The following CLDND1 variants were observed in gnomAD, a reference collection of about 807,000 sequenced individuals.
CLDND1 encodes the protein claudin domain containing 1.
A neutral mutation model predicts 26.3 loss-of-function variants in CLDND1; 13 were observed. The ratio of observed to expected loss-of-function variants is 0.49; its 90% CI spans 0.32 to 0.78. The LOEUF (loss-of-function observed/expected upper bound fraction) is 0.78, where lower values mean the gene tolerates loss of function less well. CLDND1 is among the 30% of genes least tolerant of loss of function. The pLI, the probability that CLDND1 is intolerant of heterozygous loss-of-function variation, is 0.03. For missense variants in CLDND1, 289 were observed against 312.8 expected, an observed-to-expected ratio of 0.92 and a Z score of 0.57; for synonymous variants, 107 against 107.0, an observed-to-expected ratio of 1.00 and a Z score of 0.00.
chr3:98,517,065 G>T lies in CLDND1; in HGVS notation c.528C>A (p.Leu176=). 2 of 1,614,158 alleles carry T rather than the reference G, an allele frequency of 1.2e-6. No homozygotes were observed. The highest frequency in any genetic ancestry group is 1.7e-6 in the Non-Finnish European group (2 of 1,180,006). Reference sequence around the variant, plus strand: ...GACAAAACCTACCTGCAAGGAGATGGAGAATGCCCGTGGCAATGGTGGGAT... The same window carrying T: ...GACAAAACCTACCTGCAAGGAGATGTAGAATGCCCGTGGCAATGGTGGGAT... ...SLYPTIATGI[L]HLLAGLCTLG... The change falls in exon 4 of 5, where the codon CTC becomes CTA. Residue 176 remains leucine (L), a synonymous_variant. Transcript: ENST00000341181.
chr3:98,518,126 A>G (rs1706234336), intron 3 of CLDND1, among the ~76,000 whole-genome samples: 1 of 152,322 alleles, frequency 6.6e-6, no homozygotes, highest in East Asian at 1.9e-4. Context: ...AAATGCATTC[A>G]TATCAATCTT....
Position 98,515,743 on chromosome 3 carries a change from A to T in CLDND1, c.*916T>A. On this transcript the variant is annotated 3_prime_UTR_variant, in exon 5 of 5. Transcript: ENST00000341181. ...CACAAGAAATAAAGACCATAGTTGGAGGTTAATGGACAGCCAGAACTTTAG... is the reference window on the plus strand; with the variant it reads ...CACAAGAAATAAAGACCATAGTTGGTGGTTAATGGACAGCCAGAACTTTAG... The T allele has an allele frequency of 1.6e-6, 2 of 1,289,754 alleles. No homozygotes were observed. The highest frequency in any genetic ancestry group is 2.0e-6 in the Non-Finnish European group (2 of 988,822). The allele number at this position is 1,289,754 out of a possible 1,614,324, so 79.9% of individuals were successfully genotyped here.
In CLDND1 at chr3:98,521,255, T is replaced by C. The variant is rs374805425; in HGVS notation, c.170A>G (p.Asp57Gly). 3.7e-6 allele frequency: 6 copies of C among 1,614,092 alleles called. No homozygotes were observed. In the African/African-American group the frequency reaches 6.7e-5, roughly 18 times the overall value. The change falls in exon 2 of 5, where the codon GAT becomes GGT. Residue 57 changes from aspartate (D) to glycine (G), a missense_variant. Asp to Gly is a moderately conservative substitution (Grantham distance 94, BLOSUM62 -1). Coordinates refer to ENST00000341181, the MANE Select transcript of CLDND1 (RefSeq NM_001040181.2). ...NKSIWDEFIS[D>G]EADEKTYNDA... is the part of the protein sequence containing the mutation. ...ATTATAAGTCTTTTCATCTGCCTCA[T>C]CACTAATGAATTCATCCCAGATGCT...
chr3:98,518,679 G>T (rs760486872), intron 3 of CLDND1: 27 of 542,978 alleles, frequency 5.0e-5, no homozygotes, highest in Non-Finnish European at 7.8e-5. Flanking sequence ...AGTTGGCCCT[G>T]TCAACTTCAA....
intron 2 of CLDND1, among the ~76,000 whole-genome samples, chr3:98,520,088 C>T (rs1190609793): frequency 2.0e-5 from 3 of 152,172 alleles, no homozygotes; most frequent in African/African-American, 7.2e-5. Flanking sequence ...TGCCTGTCAT[C>T]CTTTATTAGA....
rs1004267968 is a variant in CLDND1 at position 98,517,121 on chromosome 3, C to T, written c.472G>A (p.Gly158Arg). 5.6e-6 allele frequency: 9 copies of T among 1,613,932 alleles called. No homozygotes were observed. Among genetic ancestry groups the T allele is most frequent in the African/African-American group, 1.3e-5 (1 of 74,876 alleles). The change falls in exon 4 of 5, where the codon GGA (glycine) becomes AGA (arginine). Residue 158 changes from glycine (G) to arginine (R), a missense_variant. By Grantham distance (125) the Gly-to-Arg change is moderately radical (BLOSUM62 -2). Transcript: ENST00000341181. ...LGLMCFGALI[G>R]LCACICRSLY... Reference sequence around the variant, plus strand: ...CTTCGGCAAATGCAAGCACAAAGTCCGATCAAAGCCCCAAAGCACATCAAA... The same window carrying T: ...CTTCGGCAAATGCAAGCACAAAGTCTGATCAAAGCCCCAAAGCACATCAAA...
At position 98,516,847 on chromosome 3, in the gene CLDND1, C is replaced by A; in HGVS notation, c.574G>T (p.Val192Phe). 1 of 1,614,118 alleles carries A rather than the reference C, an allele frequency of 6.2e-7. No individual in the cohort carries two copies. Residue 192 changes from valine to phenylalanine, a missense_variant, in exon 5 of 5, where the codon GTT becomes TTT. Val to Phe is a conservative substitution (Grantham distance 50). Coordinates refer to ENST00000341181, the MANE Select transcript of CLDND1 (RefSeq NM_001040181.2). ...LCTLGSVSCY[V>F]AGIELLHQKL... ...TGGTGGAGTAGTTCAATTCCAGCAACATAACAACTTACTGAGCCCAGTGTA... is the reference window on the plus strand; with the variant it reads ...TGGTGGAGTAGTTCAATTCCAGCAAAATAACAACTTACTGAGCCCAGTGTA...
chr3:98,520,225 C>T (rs149640206), intron 2 of CLDND1, among the ~76,000 whole-genome samples: 16 of 152,318 alleles, frequency 1.1e-4, no homozygotes, highest in African/African-American at 3.8e-4. Flanking sequence ...CACTCCAATT[C>T]CAACTCCAAT....
intron 1 of CLDND1, chr3:98,521,808 AT>A: frequency 2.1e-6 from 2 of 941,850 alleles, no homozygotes; most frequent in East Asian, 2.5e-5. Flanking sequence ...TACAGACTGA[AT>A]TTTTGCACGA....
chr3:98,522,566 C>G, intron 1 of CLDND1: 1 of 1,362,420 alleles, frequency 7.3e-7, no homozygotes. Context: ...GCACTGGGAA[C>G]GGCGGTTCGT....
Position 98,515,515 on chromosome 3 carries a change from A to C in CLDND1, c.*1144T>G, listed in dbSNP as rs1706095274. The C allele has an allele frequency of 1.9e-5, 15 of 790,910 alleles. No individual in the cohort carries two copies. Among genetic ancestry groups the C allele is most frequent in the Non-Finnish European group, 2.4e-5 (15 of 623,398 alleles). 49.0% of individuals were successfully genotyped at this position (790,910 alleles called of 1,614,324 possible). ...TCATTTTTAATTTTATTTTTTAAAA[A>C]AGACATTGAGGTTATGGTAAGAAAT... On this transcript the variant is annotated 3_prime_UTR_variant, in exon 5 of 5. Coordinates refer to ENST00000341181, the MANE Select transcript of CLDND1 (RefSeq NM_001040181.2).
chr3:98,518,674 G>A (rs146582107), intron 3 of CLDND1: 15 of 539,364 alleles, frequency 2.8e-5, no homozygotes, highest in Non-Finnish European at 1.3e-5. Flanking sequence ...GAAGTAGTTG[G>A]CCCTGTCAAC....
chr3:98,522,676 G>T, intron 1 of CLDND1, 173 bp downstream of exon 1: 1 of 1,444,076 alleles, frequency 6.9e-7, no homozygotes, highest in South Asian at 1.5e-5. Flanking sequence ...CCGGGCCAGG[G>T]TCCCCCGGTA....
chr3:98,522,635 C>T (rs2107162241), intron 1 of CLDND1: 1 of 1,402,516 alleles, frequency 7.1e-7, no homozygotes, highest in African/African-American at 1.5e-5. Context: ...CGGAGAAGGC[C>T]AGGGCTGGGG....
At position 98,521,187 on chromosome 3, in the gene CLDND1, G is replaced by A. The variant is rs761442781; in HGVS notation, c.238C>T (p.Arg80Trp). ...RYNGTVGLWRRCITIPKNMHW... is the reference protein window; with the variant it reads ...RYNGTVGLWRWCITIPKNMHW... The stretch of plus-strand genomic sequence containing the variant: ...ATGTTTTTGGGTATGGTGATACACC[G>A]TCTCCACAATCCCACTGTGCCATTG... Residue 80 changes from arginine (R) to tryptophan (W), a missense_variant, in exon 2 of 5, where the codon CGG becomes TGG. By Grantham distance (101) the Arg-to-Trp change is moderately radical. Transcript: ENST00000341181. 2.5e-6 allele frequency: 4 copies of A among 1,614,192 alleles called. No homozygotes were observed. The highest frequency in any genetic ancestry group is 3.4e-6 in the Non-Finnish European group (4 of 1,180,026).
intron 2 of CLDND1, 46 bp from the exon 3 acceptor site, chr3:98,519,041 C>A (rs1461697410): frequency 2.7e-6 from 3 of 1,124,412 alleles, no homozygotes; most frequent in Admixed American, 2.0e-5. Flanking sequence ...AAACATTTAA[C>A]AAAAATCTCT....
At chr3:98,522,462 T>G (rs1706464541) in intron 1 of CLDND1, 3 of 960,456 alleles carry the variant, frequency 3.1e-6, no homozygotes, top group South Asian at 6.6e-5. Context: ...ATAAGAGCAA[T>G]GACAACGAAA....
At chr3:98,519,044 A>C (rs750908458) in intron 2 of CLDND1, 49 bp from the exon 3 acceptor site, 1 of 1,108,928 alleles carries the variant, frequency 9.0e-7, no homozygotes, top group Non-Finnish European at 1.3e-6. Flanking sequence ...CATTTAACAA[A>C]AATCTCTTTC....
At chr3:98,522,569 C>A in intron 1 of CLDND1, 2 of 1,362,750 alleles carry the variant, frequency 1.5e-6, no homozygotes, top group Non-Finnish European at 1.9e-6. Flanking sequence ...CTGGGAACGG[C>A]GGTTCGTCCA....
Sources: allele counts gnomAD v4.1 joint callset (sites outside exome capture counted in the v4.1 genomes callset), GRCh38; gene constraint gnomAD v4.1.1; transcripts MANE v1.5; gene names NCBI Gene and HGNC (gene_info 2026-07-23, HGNC 2026-07-21).